Variants in NCL observed in about 807,000 individuals in gnomAD.
NCL encodes the protein nucleolin multifunctional protein.
A neutral mutation model predicts 77.7 loss-of-function variants in NCL; 4 were observed. The observed-to-expected ratio is 0.05, with a 90% confidence interval of 0.03 to 0.12. The LOEUF (loss-of-function observed/expected upper bound fraction) is 0.12, where lower values mean the gene tolerates loss of function less well. NCL is among the 10% of genes least tolerant of loss of function. NCL has a pLI of 1.00. For missense variants in NCL, 763 were observed against 860.9 expected, an observed-to-expected ratio of 0.89 and a Z score of 1.42; for synonymous variants, 344 against 297.8, an observed-to-expected ratio of 1.16 and a Z score of -1.60.
intron 2 of NCL, 42 bp downstream of exon 2, chr2:231,463,158 T>G (rs757624422): frequency 2.5e-5 from 35 of 1,388,738 alleles, no homozygotes; most frequent in Non-Finnish European, 3.3e-5. Flanking sequence ...CTCTCCATTT[T>G]GTAGTTTTAA....
In NCL at chr2:231,455,239, T is replaced by TC; in HGVS notation, c.2084dup (p.Gly696ArgfsTer4). ...CTTGTGGCTTGTGGTCACCTCCTCC[T>TC]CCTCTGCCTCCTCGGAAGCCTCCTC... On this transcript the variant is annotated frameshift_variant, in exon 14 of 14. Transcript: ENST00000322723. LOFTEE classifies it high-confidence loss of function. The TC allele has an allele frequency of 6.2e-7, 1 of 1,614,132 alleles. No individual in the cohort carries two copies. Among genetic ancestry groups the TC allele is most frequent in the Non-Finnish European group, 8.5e-7 (1 of 1,180,000 alleles).
Position 231,455,888 on chromosome 2 carries a change from G to A in NCL, c.1832+122C>T, listed in dbSNP as rs567099750. 328 of 1,475,734 alleles carry A rather than the reference G, an allele frequency of 2.2e-4. 2 individuals carry two copies. The South Asian group carries it at 3.4e-3, about 15-fold the overall frequency. 91.4% of individuals were successfully genotyped at this position (1,475,734 alleles called of 1,614,324 possible). On this transcript the variant is annotated intron_variant, in intron 12 of 13. Coordinates refer to ENST00000322723, the MANE Select transcript of NCL (RefSeq NM_005381.3). ...TGTGAATTCTCTCTTCTTCTCGTGC[G>A]AATCCATAAACTGCCACTGATAGAC...
chr2:231,460,995 G>A lies in NCL; in HGVS notation c.614-129C>T. Reference sequence around the variant, plus strand: ...CAGTCATGGCAAGAATAGATCACTTGGGGCCGGGCGCAGTGGCTCACGCCT... The same window carrying A: ...CAGTCATGGCAAGAATAGATCACTTAGGGCCGGGCGCAGTGGCTCACGCCT... On this transcript the variant is annotated intron_variant, in intron 3 of 13. Transcript: ENST00000322723. 3.8e-6 allele frequency: 3 copies of A among 793,880 alleles called. No individual in the cohort carries two copies. The South Asian group carries it at 4.7e-5, about 12-fold the overall frequency. 49.2% of individuals were successfully genotyped at this position (793,880 alleles called of 1,614,324 possible). A position where few individuals can be genotyped will look rare whatever the true frequency, so the allele number is the denominator to read the frequency against.
At position 231,461,912 on chromosome 2, in the gene NCL, C is replaced by T; in HGVS notation, c.241G>A (p.Ala81Thr). ...KVAVATPAKK[A>T]AVTPGKKAAA... Reference sequence around the variant, plus strand: ...GCCTTTTTGCCTGGAGTGACAGCTGCTTTCTTGGCTGGTGTGGCAACTGCA... The same window carrying T: ...GCCTTTTTGCCTGGAGTGACAGCTGTTTTCTTGGCTGGTGTGGCAACTGCA... The change falls in exon 3 of 14, where the codon GCA becomes ACA. Residue 81 changes from alanine to threonine, a missense_variant. By Grantham distance (58) the Ala-to-Thr change is moderately conservative. This residue lies in a region of NCL where 590 missense variants were observed against 570.5 expected (regional missense o/e 1.03). Coordinates refer to ENST00000322723, the MANE Select transcript of NCL (RefSeq NM_005381.3). 5 of 1,614,220 alleles carry T rather than the reference C, an allele frequency of 3.1e-6. No homozygotes were observed. The highest frequency in any genetic ancestry group is 4.2e-6 in the Non-Finnish European group (5 of 1,180,032).
chr2:231,460,044 G>A (rs757089494), intron 6 of NCL, 108 bp downstream of exon 6: 55 of 1,239,458 alleles, frequency 4.4e-5, no homozygotes, highest in Middle Eastern at 2.9e-4. Context: ...CCTTGAAGAT[G>A]TTTACAGTAT....
intron 2 of NCL, chr2:231,462,910 G>A (rs548720554): frequency 1.2e-4 from 44 of 363,750 alleles, no homozygotes; most frequent in Non-Finnish European, 1.9e-4. Context: ...GTGGGGGTGA[G>A]GCTAACATGT....
Position 231,463,209 on chromosome 2 carries a change from ACTG to A in NCL, c.123_125del (p.Ser42del). On this transcript the variant is annotated inframe_deletion, in exon 2 of 14. Coordinates refer to ENST00000322723, the MANE Select transcript of NCL (RefSeq NM_005381.3). ...AGTTGGATAAAATTACCTCTTCTCC[ACTG>A]CTATCATCTTCTTCATCTTCTGACA... 6.2e-7 allele frequency: 1 copy of A among 1,601,380 alleles called. No homozygotes were observed. The highest frequency in any genetic ancestry group is 8.5e-7 in the Non-Finnish European group (1 of 1,173,358).
In NCL at chr2:231,464,198, C is replaced by CA. The variant is rs146867051; in HGVS notation, c.18+137_18+138insT. On this transcript the variant is annotated intron_variant, in intron 1 of 13. Transcript: ENST00000322723. Reference sequence around the variant, plus strand: ...AGCCAGAAGCCGCGAGACCTCCCCACTAATCGCGCGAGACTTCCCGCAGCA... The same window carrying CA: ...AGCCAGAAGCCGCGAGACCTCCCCACATAATCGCGCGAGACTTCCCGCAGCA... 2.4e-4 allele frequency: 360 copies of CA among 1,473,122 alleles called. 1 individual carries two copies. In the East Asian group the frequency reaches 8.5e-3, roughly 35 times the overall value. The allele number at this position is 1,473,122 out of a possible 1,614,324, so 91.3% of individuals were successfully genotyped here.
chr2:231,463,967 ACCCACGCGGCGCGG>A, intron 1 of NCL: 2 of 357,804 alleles, frequency 5.6e-6, no homozygotes, highest in Non-Finnish European at 9.0e-6. Context: ...AGATTCCAGG[ACCCACGCGGCGCGG>A]CCCACGTGGC....
chr2:231,462,970 C>G (rs2046966133), intron 2 of NCL: 2 of 499,310 alleles, frequency 4.0e-6, no homozygotes, highest in Non-Finnish European at 7.1e-6. Context: ...CACTCCAAGC[C>G]CTGCAGAGGA....
In NCL at chr2:231,464,453, G is replaced by A; in HGVS notation, c.-100C>T. The A allele has an allele frequency of 2.0e-6, 3 of 1,479,928 alleles. No homozygotes were observed. The highest frequency in any genetic ancestry group is 1.8e-6 in the Non-Finnish European group (2 of 1,081,738). 91.7% of individuals were successfully genotyped at this position (1,479,928 alleles called of 1,614,324 possible). Reference sequence around the variant, plus strand: ...GCGGGTGCTGAAGATCCCGGAGCACGTACACCCGAAGGCCAGCGAGAGCTC... The same window carrying A: ...GCGGGTGCTGAAGATCCCGGAGCACATACACCCGAAGGCCAGCGAGAGCTC... On this transcript the variant is annotated 5_prime_UTR_variant, in exon 1 of 14. The change creates a new upstream start codon in the 5' untranslated region. Coordinates refer to ENST00000322723, the MANE Select transcript of NCL (RefSeq NM_005381.3).
At chr2:231,458,118 TG>T in intron 8 of NCL, 147 bp downstream of exon 8, 1 of 1,019,602 alleles carries the variant, frequency 9.8e-7, no homozygotes, top group Non-Finnish European at 1.4e-6. Flanking sequence ...ATTATCCCCA[TG>T]GTACAGATGG....
intron 6 of NCL, among the ~76,000 whole-genome samples, chr2:231,459,878 G>A (rs2046929479): frequency 6.6e-6 from 1 of 151,986 alleles, no homozygotes; most frequent in African/African-American, 2.4e-5. Flanking sequence ...CTGTACTCCA[G>A]CCTGAGCAAA....
chr2:231,464,374 C>G lies in NCL; in HGVS notation c.-21G>C. 2 of 1,600,030 alleles carry G rather than the reference C, an allele frequency of 1.2e-6. No homozygotes were observed. Among genetic ancestry groups the G allele is most frequent in the Non-Finnish European group, 1.7e-6 (2 of 1,173,110 alleles). On this transcript the variant is annotated 5_prime_UTR_variant, in exon 1 of 14. Coordinates refer to ENST00000322723, the MANE Select transcript of NCL (RefSeq NM_005381.3). Reference sequence around the variant, plus strand: ...ACCATGATGGCGGCGGAGTGTGAAGCGGACAAGTGGCGCAGATGAGTCCAG... The same window carrying G: ...ACCATGATGGCGGCGGAGTGTGAAGGGGACAAGTGGCGCAGATGAGTCCAG...
chr2:231,453,981 T>C lies in NCL; in HGVS notation c.*1210A>G, dbSNP rs1248881658. The C allele has an allele frequency of 6.6e-6, 1 of 152,248 alleles. No individual in the cohort carries two copies. Among genetic ancestry groups the C allele is most frequent in the African/African-American group, 2.4e-5 (1 of 41,448 alleles). 9.4% of individuals were successfully genotyped at this position (152,248 alleles called of 1,614,324 possible). The stretch of plus-strand genomic sequence containing the variant: ...TAGTCCCGCCTCTCACGTGGCCTTG[T>C]CTTTTACTAAAAAGGGAGGTTGAGA... On this transcript the variant is annotated 3_prime_UTR_variant, in exon 14 of 14. Coordinates refer to ENST00000322723, the MANE Select transcript of NCL (RefSeq NM_005381.3).
chr2:231,456,887 A>C (rs1353766620), intron 10 of NCL, 114 bp downstream of exon 10: 1 of 1,555,620 alleles, frequency 6.4e-7, no homozygotes, highest in Non-Finnish European at 8.7e-7. Flanking sequence ...TTTTACACTC[A>C]TTTACGTAGC....
intron 12 of NCL, 33 bp downstream of exon 12, chr2:231,455,977 A>G: frequency 6.2e-7 from 1 of 1,614,108 alleles, no homozygotes; most frequent in Non-Finnish European, 8.5e-7. Context: ...AACCCCTTCA[A>G]GTGGAAGCAG....
At chr2:231,463,391 C>CAT in intron 1 of NCL, 75 bp from the exon 2 acceptor site, 1 of 903,750 alleles carries the variant, frequency 1.1e-6, no homozygotes, top group South Asian at 1.4e-5. Flanking sequence ...CATTAGTGTT[C>CAT]ATACGCCATC....
intron 2 of NCL, among the ~76,000 whole-genome samples, chr2:231,462,344 G>A (rs570335045): frequency 6.6e-6 from 1 of 152,092 alleles, no homozygotes; most frequent in Non-Finnish European, 1.5e-5. Flanking sequence ...CATGTTTAAG[G>A]ATCATGAATT....
Sources: allele counts gnomAD v4.1 joint callset (sites outside exome capture counted in the v4.1 genomes callset), GRCh38; gene constraint gnomAD v4.1.1; regional missense constraint gnomAD v4.1.1; transcripts MANE v1.5; gene names NCBI Gene and HGNC (gene_info 2026-07-23, HGNC 2026-07-21).